SNTG1: variants seen among roughly 807,000 people sequenced by gnomAD.
SNTG1 encodes the protein syntrophin gamma 1.
Under a neutral mutation model 74.7 loss-of-function variants are expected in SNTG1, and 39 were observed. The ratio of observed to expected loss-of-function variants is 0.52; its 90% CI spans 0.40 to 0.68. The LOEUF (loss-of-function observed/expected upper bound fraction) is 0.68. SNTG1 is among the 30% of genes least tolerant of loss of function. The pLI, the probability that SNTG1 is intolerant of heterozygous loss-of-function variation, is 0.00. For synonymous variants in SNTG1, 254 were observed against 217.1 expected (o/e 1.17, Z -1.49); for missense variants, 685 against 609.5 (o/e 1.12, Z -1.30).
chr8:50,431,839 G>A (rs2093240080), intron 4 of SNTG1, among the ~76,000 whole-genome samples: 1 of 152,048 alleles, frequency 6.6e-6, no homozygotes, highest in South Asian at 2.1e-4. Context: ...TTGATTAAGT[G>A]TTTGCTCAAA....
At chr8:50,518,849 G>A (rs2094155772) in intron 9 of SNTG1, among the ~76,000 whole-genome samples, 1 of 152,156 alleles carries the variant, frequency 6.6e-6, no homozygotes, top group South Asian at 2.1e-4. Flanking sequence ...GACCAGTTGG[G>A]TTCACAGCCA....
chr8:50,712,881 A>G (rs1016461864), intron 17 of SNTG1, among the ~76,000 whole-genome samples: 18 of 151,990 alleles, frequency 1.2e-4, no homozygotes, highest in Non-Finnish European at 5.9e-5. Flanking sequence ...TATGTGCCAC[A>G]TTTTCTTGAT....
chr8:50,200,569 G>A (rs762426331), intron 2 of SNTG1, among the ~76,000 whole-genome samples: 40 of 150,080 alleles, frequency 2.7e-4, no homozygotes, highest in Non-Finnish European at 3.9e-4. Flanking sequence ...CCATCCAGGC[G>A]CTTACTGAAC....
At chr8:50,157,171 T>C (rs1007367637) in intron 1 of SNTG1, among the ~76,000 whole-genome samples, 5 of 152,108 alleles carry the variant, frequency 3.3e-5, no homozygotes, top group African/African-American at 9.6e-5. Context: ...TATAGATGTA[T>C]GGACACTTCC....
At chr8:50,073,921 T>G (rs550029696) in intron 1 of SNTG1, among the ~76,000 whole-genome samples, 3 of 150,066 alleles carry the variant, frequency 2.0e-5, no homozygotes, top group African/African-American at 7.4e-5. Flanking sequence ...GCTTTGTTGT[T>G]CCATTTCTAG....
At chr8:50,074,272 C>A (rs1821628451) in intron 1 of SNTG1, among the ~76,000 whole-genome samples, 1 of 152,180 alleles carries the variant, frequency 6.6e-6, no homozygotes, top group Admixed American at 6.5e-5. Context: ...CTGCTAGCTT[C>A]AAATTTTCTT....
intron 2 of SNTG1, among the ~76,000 whole-genome samples, chr8:50,192,452 T>A (rs1313625550): frequency 6.6e-6 from 1 of 152,188 alleles, no homozygotes; most frequent in Non-Finnish European, 1.5e-5. Flanking sequence ...CATCTGTATA[T>A]CTTCTTTTAA....
chr8:50,526,868 C>T (rs1047202999), intron 9 of SNTG1, among the ~76,000 whole-genome samples: 9 of 151,934 alleles, frequency 5.9e-5, no homozygotes, highest in Non-Finnish European at 8.8e-5. Flanking sequence ...GTGATCATCC[C>T]GCCTCATCCA....
intron 2 of SNTG1, among the ~76,000 whole-genome samples, chr8:50,200,689 A>G (rs1029326107): frequency 2.0e-5 from 3 of 152,136 alleles, no homozygotes; most frequent in African/African-American, 7.2e-5. Flanking sequence ...ACCTCAACTG[A>G]TGACAGACAC....
At chr8:50,709,423 G>A (rs2095455387) in intron 17 of SNTG1, among the ~76,000 whole-genome samples, 1 of 152,004 alleles carries the variant, frequency 6.6e-6, no homozygotes, top group African/African-American at 2.4e-5. Context: ...ATTATTGAAT[G>A]GTGAAAATTT....
chr8:50,195,913 TG>T (rs2083751915), intron 2 of SNTG1, among the ~76,000 whole-genome samples: 1 of 152,190 alleles, frequency 6.6e-6, no homozygotes, highest in Non-Finnish European at 1.5e-5. Context: ...CTGCTCTGTC[TG>T]GAATTGCAAC....
chr8:50,267,643 T>G (rs1359712303), intron 2 of SNTG1, among the ~76,000 whole-genome samples: 1 of 152,160 alleles, frequency 6.6e-6, no homozygotes, highest in Non-Finnish European at 1.5e-5. Flanking sequence ...CAGCAAGGCT[T>G]ATTCAAAATT....
chr8:49,914,387 A>C (rs181569228), intron 1 of SNTG1, among the ~76,000 whole-genome samples: 2 of 151,706 alleles, frequency 1.3e-5, no homozygotes, highest in African/African-American at 4.8e-5. Context: ...GTTTTATTGG[A>C]TAAGACTAAG....
intron 15 of SNTG1, among the ~76,000 whole-genome samples, chr8:50,660,373 A>AGAAG (rs33952736): frequency 7.1e-6 from 1 of 140,736 alleles, no homozygotes; most frequent in Non-Finnish European, 1.5e-5. Context: ...AGAGAGAGAA[A>AGAAG]GAAGGAAGGA....
intron 13 of SNTG1, among the ~76,000 whole-genome samples, chr8:50,608,885 T>C (rs954852901): frequency 3.9e-5 from 6 of 151,988 alleles, no homozygotes; most frequent in Admixed American, 3.9e-4. Flanking sequence ...TTGAAAAAGA[T>C]TGCTCTTGGG....
At chr8:50,500,080 T>A (rs1251171288) in intron 8 of SNTG1, among the ~76,000 whole-genome samples, 1 of 152,110 alleles carries the variant, frequency 6.6e-6, no homozygotes, top group African/African-American at 2.4e-5. Context: ...GCTTCTTAAA[T>A]CTGTGGGCTC....
intron 1 of SNTG1, among the ~76,000 whole-genome samples, chr8:50,098,982 G>A (rs527865039): frequency 6.6e-6 from 1 of 152,092 alleles, no homozygotes; most frequent in South Asian, 2.1e-4. Flanking sequence ...ATAGAACAAC[G>A]GGCCACAATC....
intron 1 of SNTG1, among the ~76,000 whole-genome samples, chr8:50,081,867 G>A (rs1165958267): frequency 1.3e-5 from 2 of 152,012 alleles, no homozygotes; most frequent in Non-Finnish European, 2.9e-5. Context: ...TCTTGACCTC[G>A]AGATCCACTC....
intron 2 of SNTG1, among the ~76,000 whole-genome samples, chr8:50,376,031 GAT>G (rs71233489): frequency 0.26 from 38,879 of 152,070 alleles, 5,279 homozygotes; most frequent in South Asian, 0.35. Context: ...AAAGTCTAAA[GAT>G]ATTTCCAGTG....
Sources: gnomAD v4.1 joint callset for allele counts (sites outside exome capture counted in the v4.1 genomes callset) on GRCh38, gnomAD v4.1.1 for gene constraint, MANE v1.5 for transcripts, NCBI Gene and HGNC (gene_info 2026-07-23, HGNC 2026-07-21) for gene names.